The following STK32B variants were observed in gnomAD, a reference collection of about 807,000 sequenced individuals.
The protein encoded by STK32B is serine/threonine-protein kinase 32B.
STK32B carries 43 observed loss-of-function variants against 52.6 expected under a neutral mutation model. That is an observed-to-expected ratio of 0.82 (90% CI 0.64 to 1.05). The LOEUF is 1.05. STK32B is among the 50% of genes least tolerant of loss of function. STK32B has a pLI of 0.00. For missense variants in STK32B, 621 were observed against 534.6 expected (o/e 1.16, Z -1.59); for synonymous variants, 238 against 204.3 (o/e 1.17, Z -1.41).
chr4:5,217,314 A>C (rs1287834521), intron 3 of STK32B, among the ~76,000 whole-genome samples: 1 of 152,224 alleles, frequency 6.6e-6, no homozygotes, highest in Non-Finnish European at 1.5e-5. Flanking sequence ...AAATATTTTC[A>C]GTTCTTCCTT....
chr4:5,414,236 A>G, intron 5 of STK32B, among the ~76,000 whole-genome samples: 1 of 152,172 alleles, frequency 6.6e-6, no homozygotes. Flanking sequence ...GTAAAAATTC[A>G]TTTATATTAA....
chr4:5,110,811 C>G (rs1370423279), intron 1 of STK32B, among the ~76,000 whole-genome samples: 1 of 151,856 alleles, frequency 6.6e-6, no homozygotes, highest in Non-Finnish European at 1.5e-5. Flanking sequence ...AAATAATCAA[C>G]AGAATAAACA....
intron 4 of STK32B, among the ~76,000 whole-genome samples, chr4:5,392,485 T>C (rs375820584): frequency 6.6e-6 from 1 of 152,206 alleles, no homozygotes; most frequent in African/African-American, 2.4e-5. Flanking sequence ...AGCATGTTCC[T>C]CAGATTATTA....
At position 5,196,334 on chromosome 4, in the gene STK32B, G is replaced by GTTTTTT. The variant is rs35605834; in HGVS notation, c.260+27904_260+27909dup. Among the ~76,000 whole-genome samples the GTTTTTT allele has an allele frequency of 2.9e-3, 251 of 87,638 alleles. 2 individuals carry two copies. The highest frequency in any genetic ancestry group is 9.1e-3 in the African/African-American group (174 of 19,136). 57.5% of individuals were successfully genotyped at this position (87,638 alleles called of 152,430 possible). On this transcript the variant is annotated intron_variant, in intron 3 of 11. Coordinates refer to ENST00000282908, the MANE Select transcript of STK32B (RefSeq NM_018401.3). ...TTTCCTCTCCTCTCTTCTTTCTTCA[G>GTTTTTT]TTTTTTTTTTTTTTTTTTTTTTTTT...
At chr4:5,322,146 C>T (rs911673153) in intron 3 of STK32B, among the ~76,000 whole-genome samples, 2 of 151,860 alleles carry the variant, frequency 1.3e-5, no homozygotes, top group African/African-American at 4.8e-5. Context: ...CCAGCCTGGG[C>T]AACACAGCAA....
intron 1 of STK32B, among the ~76,000 whole-genome samples, chr4:5,098,384 G>T (rs564095905): frequency 9.2e-5 from 14 of 152,316 alleles, no homozygotes; most frequent in African/African-American, 3.4e-4. Context: ...GCATCTCTTG[G>T]CTGAGATTGA....
rs533495297 is a variant in STK32B, at chr4:5,454,321, A to C, written c.667-2486A>C. ...ATTCTCTCACAGTTCTGAAGGCCAG[A>C]AGTCTGAGATGAAGTGGTTGGCAGG... On this transcript the variant is annotated intron_variant, in intron 7 of 11. Transcript: ENST00000282908. Among the ~76,000 whole-genome samples the C allele has an allele frequency of 3.9e-5, 6 of 152,258 alleles. No homozygotes were observed. The East Asian group carries it at 9.7e-4, about 25-fold the overall frequency.
At chr4:5,023,416 T>G in the STK32B span, among the ~76,000 whole-genome samples, 27 of 152,224 alleles carry the variant, frequency 1.8e-4, no homozygotes, top group Admixed American at 1.4e-3. Context: ...GTCCAGAGTC[T>G]GCTTGCATAC....
chr4:5,330,911 G>T (rs146192281), intron 3 of STK32B, among the ~76,000 whole-genome samples: 13 of 152,286 alleles, frequency 8.5e-5, no homozygotes, highest in South Asian at 2.1e-4. Flanking sequence ...TGCTAAAAAC[G>T]GATGAAGAAA....
intron 4 of STK32B, among the ~76,000 whole-genome samples, chr4:5,357,235 T>G (rs1734249910): frequency 6.6e-6 from 1 of 150,560 alleles, no homozygotes; most frequent in Non-Finnish European, 1.5e-5. Context: ...TCACATTCAG[T>G]CAGTCACATT....
intron 3 of STK32B, among the ~76,000 whole-genome samples, chr4:5,249,499 CT>C (rs1725757598): frequency 7.8e-6 from 1 of 128,680 alleles, no homozygotes; most frequent in Non-Finnish European, 1.6e-5. Context: ...TCCTTCCTTC[CT>C]TCCTCCCTCC....
chr4:5,416,941 G>A lies in STK32B; in HGVS notation c.562+7G>A. 2 of 1,609,192 alleles carry A rather than the reference G, an allele frequency of 1.2e-6. No homozygotes were observed. Among genetic ancestry groups the A allele is most frequent in the Admixed American group, 1.7e-5 (1 of 59,364 alleles). On this transcript the variant is annotated splice_region_variant and intron_variant, in intron 6 of 11. Transcript: ENST00000282908. ...GGCACCAAGCCCTACATGGGTGAGT[G>A]TTCCAGGCCCCTTCTTTTCATGTGA...
intron 7 of STK32B, among the ~76,000 whole-genome samples, chr4:5,454,886 G>A (rs143232947): frequency 5.9e-5 from 9 of 152,222 alleles, no homozygotes; most frequent in African/African-American, 1.2e-4. Flanking sequence ...GAAAATGCTC[G>A]TTCATGGAAG....
chr4:5,459,941 T>C (rs376808137), intron 8 of STK32B, among the ~76,000 whole-genome samples, 162 bp from the exon 9 acceptor site: 1 of 152,048 alleles, frequency 6.6e-6, no homozygotes, highest in East Asian at 1.9e-4. Flanking sequence ...AAGAGATGAG[T>C]GCAGATGGCG....
intron 7 of STK32B, among the ~76,000 whole-genome samples, chr4:5,447,937 G>T (rs1476818288): frequency 6.6e-6 from 1 of 152,204 alleles, no homozygotes; most frequent in Non-Finnish European, 1.5e-5. Context: ...TGTTGTTTCA[G>T]TCATTTACAT....
chr4:5,137,410 A>T (rs905867094), intron 1 of STK32B, among the ~76,000 whole-genome samples: 4 of 152,118 alleles, frequency 2.6e-5, no homozygotes, highest in Admixed American at 1.3e-4. Context: ...TTTCCAGTTC[A>T]TCACTCGGAT....
intron 1 of STK32B, among the ~76,000 whole-genome samples, chr4:5,056,966 ATTGGGACCCT>A (rs1231125056): frequency 1.3e-5 from 2 of 152,236 alleles, no homozygotes; most frequent in Non-Finnish European, 2.9e-5. Context: ...TGAAGCACAG[ATTGGGACCCT>A]TTGGTGTATC....
chr4:5,494,283 T>A (rs192997205), intron 11 of STK32B, among the ~76,000 whole-genome samples: 2,203 of 152,324 alleles, frequency 0.014, 22 homozygotes, highest in Non-Finnish European at 0.024. Context: ...TGCACATATA[T>A]TTAGGATAGT....
chr4:5,166,459 A>G (rs1718876336), intron 2 of STK32B, among the ~76,000 whole-genome samples: 1 of 147,244 alleles, frequency 6.8e-6, no homozygotes, highest in Non-Finnish European at 1.5e-5. Flanking sequence ...TTTAAGTGTA[A>G]TTAGTTAAGA....
Sources: gnomAD v4.1 joint callset for allele counts (sites outside exome capture counted in the v4.1 genomes callset) on GRCh38, gnomAD v4.1.1 for gene constraint, MANE v1.5 for transcripts, NCBI Gene and HGNC (gene_info 2026-07-23, HGNC 2026-07-21) for gene names.